AJAP1: variants seen among roughly 807,000 people sequenced by gnomAD.
The protein encoded by AJAP1 is adherens junction-associated protein 1.
In AJAP1, 5 loss-of-function variants were observed where a neutral mutation model predicts 35.0. The observed-to-expected ratio is 0.14, with a 90% CI of 0.07 to 0.30. The LOEUF (loss-of-function observed/expected upper bound fraction) is 0.30, where lower values mean the gene tolerates loss of function less well. Among genes scored for constraint, AJAP1 ranks in the 10% least tolerant of loss-of-function variants. The pLI, the probability that AJAP1 is intolerant of heterozygous loss-of-function variation, is 1.00. For synonymous variants in AJAP1, 284 were observed against 249.3 expected (o/e 1.14, Z -1.31); for missense variants, 586 against 571.0 (o/e 1.03, Z -0.27).
At chr1:4,699,614 C>T (rs1437484512) in intron 1 of AJAP1, among the ~76,000 whole-genome samples, 3 of 152,086 alleles carry the variant, frequency 2.0e-5, no homozygotes, top group Non-Finnish European at 4.4e-5. Context: ...GTGAGGAATG[C>T]ATTTTCCCAA....
rs191250429 is a variant in AJAP1, at chr1:4,774,543, G to A, written c.*44G>A. ...ACCTCCTGGGGGCAGGGCAGACGCC[G>A]TGTGTCTGTTTCACGGTAGGTACCT... On this transcript the variant is annotated 3_prime_UTR_variant, in exon 5 of 6. Coordinates refer to ENST00000378191, the MANE Select transcript of AJAP1 (RefSeq NM_018836.4). 53 of 1,576,660 alleles carry A rather than the reference G, an allele frequency of 3.4e-5. No homozygotes were observed. In the Admixed American group the frequency reaches 3.7e-4, roughly 11 times the overall value.
Position 4,784,317 on chromosome 1 carries a change from A to G in AJAP1, c.*1832A>G, listed in dbSNP as rs114365532. On this transcript the variant is annotated 3_prime_UTR_variant, in exon 6 of 6. Transcript: ENST00000378191. ...CCTCCTTAAAGGATGTTTCCTGTCC[A>G]TGGGAGACGCCTAACATGGTGTGGG... The G allele has an allele frequency of 1.3e-5, 2 of 152,190 alleles. No individual in the cohort carries two copies. The highest frequency in any genetic ancestry group is 2.9e-5 in the Non-Finnish European group (2 of 68,048). The allele number at this position is 152,190 out of a possible 1,614,324, so 9.4% of individuals were successfully genotyped here.
At chr1:4,728,797 G>T (rs1640731420) in intron 2 of AJAP1, among the ~76,000 whole-genome samples, 1 of 152,196 alleles carries the variant, frequency 6.6e-6, no homozygotes, top group Non-Finnish European at 1.5e-5. Flanking sequence ...GGGTGGTCAG[G>T]TTTTCCCTCC....
intron 2 of AJAP1, among the ~76,000 whole-genome samples, chr1:4,713,159 G>A (rs941593547): frequency 6.6e-6 from 1 of 152,208 alleles, no homozygotes; most frequent in African/African-American, 2.4e-5. Context: ...GGGACCCATG[G>A]ACGGGGGCAT....
intron 2 of AJAP1, among the ~76,000 whole-genome samples, chr1:4,742,998 T>C (rs1641103922): frequency 6.6e-6 from 1 of 152,176 alleles, no homozygotes; most frequent in Non-Finnish European, 1.5e-5. Context: ...TGCTAGCATG[T>C]TCTGGAGAAT....
In AJAP1 at chr1:4,788,292, A is replaced by G. The variant is rs1642199455; in HGVS notation, c.*5807A>G. 6.5e-6 allele frequency: 1 copy of G among 154,462 alleles called. No individual in the cohort carries two copies. Among genetic ancestry groups the G allele is most frequent in the African/African-American group, 2.4e-5 (1 of 41,458 alleles). The allele number at this position is 154,462 out of a possible 1,614,324, so 9.6% of individuals were successfully genotyped here. ...TGGCTCTGTGTGGTTTTGTGTGTCT[A>G]GGTTTAGAGCTTGTATTTGGATGTA... On this transcript the variant is annotated 3_prime_UTR_variant, in exon 6 of 6. Coordinates refer to ENST00000378191, the MANE Select transcript of AJAP1 (RefSeq NM_018836.4).
In AJAP1 at chr1:4,723,758, C is replaced by T. The variant is rs568996902; in HGVS notation, c.829+11059C>T. 9.9e-5 allele frequency among the ~76,000 whole-genome samples: 15 copies of T among 151,496 alleles called. No individual in the cohort carries two copies. Among genetic ancestry groups the T allele is most frequent in the African/African-American group, 2.4e-4 (10 of 41,314 alleles). ...GTAGTTGGAGGACTATGGAGGTGGA[C>T]GAGGATTTTGGTTGTTCTGTTTCGT... On this transcript the variant is annotated intron_variant, in intron 2 of 5. Coordinates refer to ENST00000378191, the MANE Select transcript of AJAP1 (RefSeq NM_018836.4). The surrounding 1 kb of genome is among the most constrained non-coding windows in gnomAD (Gnocchi z 4.3).
In AJAP1 at chr1:4,654,670, G is replaced by A. The variant is rs1257351878; in HGVS notation, c.-756G>A. The A allele has an allele frequency of 6.8e-6, 1 of 147,248 alleles. No individual in the cohort carries two copies. The highest frequency in any genetic ancestry group is 1.5e-5 in the Non-Finnish European group (1 of 66,004). The allele number at this position is 147,248 out of a possible 1,614,324, so 9.1% of individuals were successfully genotyped here. ...GCTCTGCGGCGGGCGCGGTGGGCGC[G>A]GGCGGCGGGGCCCCGGGATCCCCGC... On this transcript the variant is annotated 5_prime_UTR_variant, in exon 1 of 6. Transcript: ENST00000378191. The surrounding 1 kb of genome is among the most constrained non-coding windows in gnomAD (Gnocchi z 5.1).
chr1:4,771,452 G>A (rs542603109), intron 3 of AJAP1, among the ~76,000 whole-genome samples: 81 of 152,316 alleles, frequency 5.3e-4, no homozygotes, highest in Non-Finnish European at 1.0e-3. Context: ...GGGAAGGGGC[G>A]GGCAGGGGAA....
chr1:4,666,674 G>T (rs1183714990), intron 1 of AJAP1, among the ~76,000 whole-genome samples: 2 of 147,928 alleles, frequency 1.4e-5, no homozygotes, highest in East Asian at 4.2e-4. Context: ...TCACCAGAGG[G>T]TTGCAGAGAG....
At chr1:4,700,539 A>AC (rs1026369966) in intron 1 of AJAP1, among the ~76,000 whole-genome samples, 3 of 151,782 alleles carry the variant, frequency 2.0e-5, no homozygotes, top group African/African-American at 7.3e-5. Flanking sequence ...CTTTGAGCTG[A>AC]CCCCCAGGGG....
rs191182133 is a variant in AJAP1, at chr1:4,704,934, T to C, written c.30-6966T>C. On this transcript the variant is annotated intron_variant, in intron 1 of 5. Transcript: ENST00000378191. The stretch of plus-strand genomic sequence containing the variant: ...GATGGTGAGCATTTGTTCATGTGTT[T>C]TTTGGCTGCATAGATGTCTTCTTTT... Among the ~76,000 whole-genome samples the C allele has an allele frequency of 5.6e-3, 859 of 152,380 alleles. 5 individuals carry two copies. The highest frequency in any genetic ancestry group is 8.1e-3 in the Non-Finnish European group (549 of 68,042).
chr1:4,753,126 T>C (rs991564002), intron 2 of AJAP1, among the ~76,000 whole-genome samples: 8 of 152,324 alleles, frequency 5.3e-5, no homozygotes, highest in Middle Eastern at 6.8e-3. Flanking sequence ...AAGGGCCCTG[T>C]GCACTAATCA....
chr1:4,683,507 G>A (rs570677375), intron 1 of AJAP1, among the ~76,000 whole-genome samples: 1 of 152,338 alleles, frequency 6.6e-6, no homozygotes, highest in African/African-American at 2.4e-5. Flanking sequence ...ATTTCAGTGG[G>A]TCCACTGGGA....
chr1:4,732,770 T>C (rs778329518), intron 2 of AJAP1, among the ~76,000 whole-genome samples: 1 of 152,200 alleles, frequency 6.6e-6, no homozygotes, highest in Non-Finnish European at 1.5e-5. Context: ...ACAATGGAGA[T>C]GATCTTCCAC....
chr1:4,708,202 G>A (rs772338588), intron 1 of AJAP1, among the ~76,000 whole-genome samples: 1 of 151,978 alleles, frequency 6.6e-6, no homozygotes, highest in African/African-American at 2.4e-5. Flanking sequence ...CCTTGACCTC[G>A]TGATCCTCCC....
At chr1:4,689,721 G>A (rs541920472) in intron 1 of AJAP1, among the ~76,000 whole-genome samples, 6 of 152,226 alleles carry the variant, frequency 3.9e-5, no homozygotes, top group Admixed American at 2.0e-4. Context: ...GCATGAGCAC[G>A]AGCGTGAACC....
At chr1:4,713,595 C>T (rs1393492963) in intron 2 of AJAP1, among the ~76,000 whole-genome samples, 5 of 152,214 alleles carry the variant, frequency 3.3e-5, no homozygotes, top group East Asian at 1.9e-4. Flanking sequence ...AGCAGGCCTG[C>T]GGGGAGAGCG....
chr1:4,657,102 A>T (rs955645221), intron 1 of AJAP1, among the ~76,000 whole-genome samples: 1 of 151,478 alleles, frequency 6.6e-6, no homozygotes, highest in Non-Finnish European at 1.5e-5. Context: ...TTGAACAGAC[A>T]TTTTTTTTTA....
Sources: gnomAD v4.1 joint callset for allele counts (sites outside exome capture counted in the v4.1 genomes callset) on GRCh38, gnomAD v4.1.1 for gene constraint, Gnocchi (gnomAD v3.1) non-coding constraint, MANE v1.5 for transcripts, NCBI Gene and HGNC (gene_info 2026-07-23, HGNC 2026-07-21) for gene names.